Variants in PDE3A observed in about 807,000 individuals in gnomAD.
The protein encoded by PDE3A is cGMP-inhibited 3',5'-cyclic phosphodiesterase 3A.
PDE3A carries 43 observed loss-of-function variants against 98.3 expected under a neutral mutation model. That is an observed-to-expected ratio of 0.44 (90% CI 0.34 to 0.56). The LOEUF (loss-of-function observed/expected upper bound fraction) is 0.56. PDE3A is among the 20% of genes least tolerant of loss of function. The probability of loss-of-function intolerance (pLI) is 0.01; values close to 1 mark genes in which losing one functional copy is unlikely to be tolerated. For missense variants in PDE3A, 1,427 were observed against 1,440.7 expected (o/e 0.99, Z 0.15); for synonymous variants, 663 against 567.9 (o/e 1.17, Z -2.38).
chr12:20,673,580 C>G (rs1945549449), intron 15 of PDE3A, among the ~76,000 whole-genome samples: 1 of 150,282 alleles, frequency 6.7e-6, no homozygotes, highest in Non-Finnish European at 1.5e-5. Flanking sequence ...AAACATCATT[C>G]TCAGTAAACT....
At chr12:20,575,040 T>G (rs747680806) in intron 2 of PDE3A, among the ~76,000 whole-genome samples, 5 of 152,040 alleles carry the variant, frequency 3.3e-5, no homozygotes, top group Non-Finnish European at 7.4e-5. Context: ...TGAGTTAACT[T>G]TGACTACATG....
chr12:20,373,195 C>A lies in PDE3A; in HGVS notation c.960+2951C>A, dbSNP rs1467104772. On this transcript the variant is annotated intron_variant, in intron 1 of 15. Transcript: ENST00000359062. Reference sequence around the variant, plus strand: ...TAGCTTTTAGTTTAGTCCTGACAACCCAGTGTCCGCAATACTGAGGCTGAT... The same window carrying A: ...TAGCTTTTAGTTTAGTCCTGACAACACAGTGTCCGCAATACTGAGGCTGAT... Among the ~76,000 whole-genome samples the A allele has an allele frequency of 2.0e-5, 3 of 151,962 alleles. No individual in the cohort carries two copies. The South Asian group carries it at 6.2e-4, about 32-fold the overall frequency.
chr12:20,564,919 G>A (rs943626359), intron 2 of PDE3A, among the ~76,000 whole-genome samples: 17 of 152,136 alleles, frequency 1.1e-4, no homozygotes, highest in Admixed American at 4.6e-4. Flanking sequence ...TATTTGAAAC[G>A]AAACAAAGCA....
At chr12:20,607,426 G>C (rs973297224) in intron 2 of PDE3A, among the ~76,000 whole-genome samples, 22 of 136,644 alleles carry the variant, frequency 1.6e-4, no homozygotes, top group Non-Finnish European at 2.4e-4. Context: ...GACAGAGTGA[G>C]ACTCCGTCTC....
At chr12:20,548,878 T>A (rs1942126886) in intron 1 of PDE3A, among the ~76,000 whole-genome samples, 1 of 152,188 alleles carries the variant, frequency 6.6e-6, no homozygotes, top group Admixed American at 6.5e-5. Flanking sequence ...CTCTTTGAAA[T>A]AATATCAACA....
intron 1 of PDE3A, among the ~76,000 whole-genome samples, chr12:20,482,978 T>G (rs1263621913): frequency 6.6e-6 from 1 of 152,190 alleles, no homozygotes; most frequent in African/African-American, 2.4e-5. Flanking sequence ...TCTGCTTGAT[T>G]TTTTTAAAAC....
At chr12:20,413,802 A>T (rs1243947497) in intron 1 of PDE3A, among the ~76,000 whole-genome samples, 5 of 152,178 alleles carry the variant, frequency 3.3e-5, no homozygotes, top group Non-Finnish European at 7.3e-5. Flanking sequence ...AAATGAAAGG[A>T]AGCCAGGAGT....
chr12:20,642,419 T>C (rs1454973459), intron 10 of PDE3A, among the ~76,000 whole-genome samples: 3 of 152,188 alleles, frequency 2.0e-5, no homozygotes, highest in Non-Finnish European at 4.4e-5. Context: ...AAACTTAGGA[T>C]AAATTAATGT....
intron 1 of PDE3A, among the ~76,000 whole-genome samples, chr12:20,461,398 C>G (rs10841538): frequency 0.35 from 52,417 of 151,782 alleles, 12,544 homozygotes; most frequent in African/African-American, 0.68. Flanking sequence ...CAATTGGAAA[C>G]AAAATTTTAT....
At chr12:20,595,855 C>T (rs1217846508) in intron 2 of PDE3A, among the ~76,000 whole-genome samples, 1 of 152,054 alleles carries the variant, frequency 6.6e-6, no homozygotes, top group Non-Finnish European at 1.5e-5. Context: ...AGCATTGCCA[C>T]CCTACTTTAG....
chr12:20,378,156 T>C (rs938479543), intron 1 of PDE3A, among the ~76,000 whole-genome samples: 4 of 151,700 alleles, frequency 2.6e-5, no homozygotes, highest in African/African-American at 7.3e-5. Flanking sequence ...GAGATTTTGA[T>C]AGTGTGGAAT....
chr12:20,564,197 C>T (rs1479405001), intron 2 of PDE3A, among the ~76,000 whole-genome samples: 1 of 152,008 alleles, frequency 6.6e-6, no homozygotes, highest in Non-Finnish European at 1.5e-5. Context: ...AGGCCAGAAA[C>T]AACACCCTCA....
chr12:20,655,960 A>G (rs945125280), intron 15 of PDE3A, among the ~76,000 whole-genome samples: 12 of 152,200 alleles, frequency 7.9e-5, no homozygotes, highest in South Asian at 2.1e-4. Flanking sequence ...CATGTGGCCA[A>G]TCTAACCTAT....
chr12:20,651,534 G>C (rs1323364828), intron 14 of PDE3A, among the ~76,000 whole-genome samples: 1 of 152,100 alleles, frequency 6.6e-6, no homozygotes, highest in Non-Finnish European at 1.5e-5. Flanking sequence ...AAAAAAGTTA[G>C]ATCCCTCTCT....
intron 2 of PDE3A, among the ~76,000 whole-genome samples, chr12:20,584,341 T>A (rs1417228950): frequency 6.6e-6 from 1 of 152,192 alleles, no homozygotes; most frequent in East Asian, 1.9e-4. Context: ...AAGCAGTACA[T>A]GACACCTCTC....
intron 15 of PDE3A, among the ~76,000 whole-genome samples, chr12:20,669,678 C>T (rs1257259922): frequency 1.3e-5 from 2 of 151,798 alleles, no homozygotes; most frequent in Non-Finnish European, 2.9e-5. Flanking sequence ...CAGGCCTGCC[C>T]TAAAAGAGCT....
rs71539448 is a variant in PDE3A at position 20,640,061 on chromosome 12, G to A, written c.2251+104G>A. The A allele has an allele frequency of 0.08, 48,090 of 604,760 alleles. 2,109 individuals are homozygous for A. The highest frequency in any genetic ancestry group is 0.099 in the East Asian group (3,416 of 34,358). 37.5% of individuals were successfully genotyped at this position (604,760 alleles called of 1,614,324 possible). ...AGCAGGTAGCACAGAATTACACATG[G>A]TAGACGCTCAATATGGAGACATCAT... On this transcript the variant is annotated intron_variant, in intron 10 of 15. Coordinates refer to ENST00000359062, the MANE Select transcript of PDE3A (RefSeq NM_000921.5).
At chr12:20,589,635 G>C (rs1261971002) in intron 2 of PDE3A, among the ~76,000 whole-genome samples, 2 of 151,872 alleles carry the variant, frequency 1.3e-5, no homozygotes, top group Non-Finnish European at 2.9e-5. Context: ...TTGGGAGGCC[G>C]AGGCGGGCAG....
intron 14 of PDE3A, 78 bp from the exon 15 acceptor site, chr12:20,653,869 A>G (rs1283617127): frequency 1.4e-6 from 2 of 1,476,316 alleles, no homozygotes; most frequent in Non-Finnish European, 1.9e-6. Flanking sequence ...AAGTTTGTGC[A>G]TTAATGCCTG....
Sources: allele counts gnomAD v4.1 joint callset (sites outside exome capture counted in the v4.1 genomes callset), GRCh38; gene constraint gnomAD v4.1.1; transcripts MANE v1.5; gene names NCBI Gene and HGNC (gene_info 2026-07-23, HGNC 2026-07-21).